CITED1: variants seen among roughly 807,000 people sequenced by gnomAD.
CITED1 encodes cbp/p300-interacting transactivator 1.
In CITED1, 3 loss-of-function variants were observed where a neutral mutation model predicts 8.5. The observed-to-expected ratio is 0.35, with a 90% CI of 0.16 to 0.91. The LOEUF (loss-of-function observed/expected upper bound fraction) is 0.91. CITED1 is among the 40% of genes least tolerant of loss of function. The pLI is 0.46. For missense variants in CITED1, 113 were observed against 154.8 expected, an observed-to-expected ratio of 0.73 and a Z score of 1.43; for synonymous variants, 54 against 67.4, an observed-to-expected ratio of 0.80 and a Z score of 0.97.
Position 72,303,686 on chromosome X carries a change from G to A in CITED1, c.-65-752C>T, listed in dbSNP as rs551906104. Among the ~76,000 whole-genome samples, 71 of 111,735 alleles carry A rather than the reference G, an allele frequency of 6.4e-4. No individual in the cohort carries two copies. The South Asian group carries it at 0.027, about 42-fold the overall frequency. ...CAGAGATTCAATGCCTTTTTAGTCA[G>A]GTAGCAGCGGTTCTGGGAGCAGAAT... On this transcript the variant is annotated intron_variant, in intron 1 of 2. Coordinates refer to ENST00000651998, the MANE Select transcript of CITED1 (RefSeq NM_001144887.2).
chrX:72,302,865 G>A lies in CITED1; in HGVS notation c.5C>T (p.Pro2Leu). The change falls in exon 2 of 3, where the codon CCA becomes CTA. Residue 2 changes from proline to leucine, a missense_variant. Pro to Leu is a moderately conservative substitution (Grantham distance 98). Transcript: ENST00000651998. ...ATCAAGTGCAGGCCTCGACGTTGTT[G>A]GCATTTCAGAGCCTTGGCAGAAGTT... M[P>L]TTSRPALDVK... The A allele has an allele frequency of 8.3e-7, 1 of 1,211,506 alleles. No homozygotes were observed. Among genetic ancestry groups the A allele is most frequent in the Non-Finnish European group, 1.1e-6 (1 of 895,015 alleles).
intron 1 of CITED1, chrX:72,305,268 C>A (rs1259720917): frequency 2.6e-6 from 3 of 1,155,807 alleles, no homozygotes; most frequent in Non-Finnish European, 3.5e-6. Flanking sequence ...CATCTTTAAC[C>A]TGTTGGGGGA....
intron 2 of CITED1, 115 bp downstream of exon 2, chrX:72,302,695 G>T: frequency 1.6e-6 from 1 of 641,535 alleles, no homozygotes; most frequent in African/African-American, 2.2e-5. Flanking sequence ...CCCAGAGATA[G>T]TCCTGTTGTC....
chrX:72,304,687 CAA>C (rs2043318891), intron 1 of CITED1, among the ~76,000 whole-genome samples: 1 of 111,559 alleles, frequency 9.0e-6, no homozygotes, highest in South Asian at 3.8e-4. Flanking sequence ...TTAGAAAAAT[CAA>C]AAGAGAGAAC....
chrX:72,304,119 A>T, intron 1 of CITED1: 1 of 653,157 alleles, frequency 1.5e-6, no homozygotes, highest in Non-Finnish European at 1.8e-6. Flanking sequence ...CATATTTATA[A>T]ATACCTCTTG....
chrX:72,305,400 C>T, intron 1 of CITED1: 1 of 847,784 alleles, frequency 1.2e-6, no homozygotes, highest in Non-Finnish European at 1.7e-6. Context: ...CTAACCAGAC[C>T]AGTCAGTTTC....
chrX:72,302,363 A>G (rs1245553196), intron 2 of CITED1, 119 bp from the exon 3 acceptor site: 2 of 871,457 alleles, frequency 2.3e-6, no homozygotes, highest in African/African-American at 4.1e-5. Context: ...GAGAGGTAGC[A>G]AGACGACCCC....
upstream of CITED1, chrX:72,305,989 G>A (rs1265451628): frequency 9.0e-6 from 1 of 111,509 alleles, no homozygotes; most frequent in Non-Finnish European, 1.9e-5. Flanking sequence ...GCGTGTGTCG[G>A]GGGAGGGGAG....
At chrX:72,304,890 T>C (rs2043321071) in intron 1 of CITED1, among the ~76,000 whole-genome samples, 1 of 112,169 alleles carries the variant, frequency 8.9e-6, no homozygotes, top group South Asian at 3.7e-4. Flanking sequence ...TCAGTAAGTG[T>C]TGTTGAATGC....
At chrX:72,302,374 C>A in intron 2 of CITED1, 130 bp from the exon 3 acceptor site, 1 of 827,784 alleles carries the variant, frequency 1.2e-6, no homozygotes, top group Non-Finnish European at 1.7e-6. Flanking sequence ...AGACGACCCC[C>A]TTGAAAATTA....
At chrX:72,306,162 G>A (rs968873520), upstream of CITED1, among the ~76,000 whole-genome samples, 1 of 111,974 alleles carries the variant, frequency 8.9e-6, no homozygotes, top group African/African-American at 3.2e-5. Flanking sequence ...ATGCGGTCCG[G>A]GAGATTAGCA....
chrX:72,306,049 TC>T (rs2043336275), upstream of CITED1: 1 of 111,513 alleles, frequency 9.0e-6, no homozygotes, highest in African/African-American at 3.3e-5. Flanking sequence ...TTCGCTAACT[TC>T]CATCCCGCAA....
intron 1 of CITED1, 132 bp from the exon 2 acceptor site, chrX:72,303,066 G>A (rs999018187): frequency 1.1e-5 from 9 of 830,292 alleles, no homozygotes; most frequent in African/African-American, 2.0e-5. Context: ...ATCAAGACCA[G>A]AGATCACCCG....
chrX:72,305,424 T>C, intron 1 of CITED1: 2 of 641,065 alleles, frequency 3.1e-6, no homozygotes, highest in Non-Finnish European at 2.4e-6. Flanking sequence ...ACCTGAAAAC[T>C]AAAGGCCCGT....
intron 1 of CITED1, among the ~76,000 whole-genome samples, chrX:72,303,283 T>C (rs2043306300): frequency 8.9e-6 from 1 of 112,705 alleles, no homozygotes; most frequent in Non-Finnish European, 1.9e-5. Context: ...TGTCCCTGAG[T>C]AAGCAACATA....
chrX:72,305,221 G>T, intron 1 of CITED1: 1 of 934,139 alleles, frequency 1.1e-6, no homozygotes, highest in South Asian at 2.1e-5. Context: ...GTGGGAAGGG[G>T]AGAGGGAAAA....
At chrX:72,304,748 A>C (rs1057428122) in intron 1 of CITED1, among the ~76,000 whole-genome samples, 1 of 111,695 alleles carries the variant, frequency 9.0e-6, no homozygotes, top group Non-Finnish European at 1.9e-5. Flanking sequence ...GGGGAAGACC[A>C]TTTTACCGCG....
chrX:72,304,699 C>G (rs922895934), intron 1 of CITED1, among the ~76,000 whole-genome samples: 3 of 111,404 alleles, frequency 2.7e-5, no homozygotes, highest in Non-Finnish European at 5.6e-5. Flanking sequence ...AAAGAGAGAA[C>G]GAGCAAAAAA....
In CITED1 at chrX:72,302,842, C is replaced by G. The variant is rs774466084; in HGVS notation, c.28G>C (p.Asp10His). The G allele has an allele frequency of 1.7e-6, 2 of 1,210,926 alleles. No homozygotes were observed. The highest frequency in any genetic ancestry group is 1.1e-6 in the Non-Finnish European group (1 of 894,728). Residue 10 changes from aspartate (D) to histidine (H), a missense_variant, in exon 2 of 3, where the codon GAT (aspartate) becomes CAT (histidine). By Grantham distance (81) the Asp-to-His change is moderately conservative. Coordinates refer to ENST00000651998, the MANE Select transcript of CITED1 (RefSeq NM_001144887.2). MPTTSRPAL[D>H]VKGGTSPAKE... is the part of the protein sequence containing the mutation. ...GCAGGTGAGGTGCCACCCTTGACAT[C>G]AAGTGCAGGCCTCGACGTTGTTGGC...
Sources: allele counts gnomAD v4.1 joint callset (sites outside exome capture counted in the v4.1 genomes callset), GRCh38; gene constraint gnomAD v4.1.1; transcripts MANE v1.5; gene names NCBI Gene and HGNC (gene_info 2026-07-23, HGNC 2026-07-21).